NDUFAF2: variants seen among roughly 807,000 people sequenced by gnomAD.
NDUFAF2 encodes the protein NADH:ubiquinone oxidoreductase complex assembly factor 2, also known as NADH dehydrogenase [ubiquinone] 1 alpha subcomplex assembly factor 2.
NDUFAF2 carries 13 observed loss-of-function variants against 22.8 expected under a neutral mutation model. The ratio of observed to expected loss-of-function variants is 0.57; its 90% confidence interval spans 0.37 to 0.91. The LOEUF (loss-of-function observed/expected upper bound fraction) is 0.91, where lower values mean the gene tolerates loss of function less well. NDUFAF2 is among the 40% of genes least tolerant of loss of function. The probability of loss-of-function intolerance (pLI) is 0.01; values close to 1 mark genes in which losing one functional copy is unlikely to be tolerated. For synonymous variants in NDUFAF2, 53 were observed against 64.2 expected (o/e 0.83, Z 0.84); for missense variants, 162 against 195.2 (o/e 0.83, Z 1.01).
intron 1 of NDUFAF2, among the ~76,000 whole-genome samples, chr5:60,986,984 T>C (rs1295612276): frequency 6.8e-6 from 1 of 146,244 alleles, no homozygotes; most frequent in Non-Finnish European, 1.5e-5. Flanking sequence ...CAAGGACCAA[T>C]GAATCCAGGA....
intron 1 of NDUFAF2, among the ~76,000 whole-genome samples, chr5:61,047,934 C>G (rs775801043): frequency 3.9e-5 from 6 of 152,126 alleles, no homozygotes; most frequent in Non-Finnish European, 8.8e-5. Flanking sequence ...ATAGTCCTTA[C>G]TTCATGGCAG....
intron 3 of NDUFAF2, among the ~76,000 whole-genome samples, chr5:61,109,734 A>G (rs1752811526): frequency 6.6e-6 from 1 of 152,240 alleles, no homozygotes; most frequent in East Asian, 1.9e-4. Flanking sequence ...TATAAGTGGT[A>G]ACTTTTCCTG....
intron 1 of NDUFAF2, among the ~76,000 whole-genome samples, chr5:60,985,621 C>T (rs1751063010): frequency 6.6e-6 from 1 of 152,150 alleles, no homozygotes; most frequent in Non-Finnish European, 1.5e-5. Flanking sequence ...TTTGAAAGAA[C>T]ATTTTTATTT....
At chr5:60,964,324 A>G (rs982500483) in intron 1 of NDUFAF2, among the ~76,000 whole-genome samples, 5 of 152,098 alleles carry the variant, frequency 3.3e-5, no homozygotes, top group Non-Finnish European at 5.9e-5. Flanking sequence ...TGTATAGCAT[A>G]ATGTTTTGAT....
chr5:61,059,972 G>C (rs991417465), intron 1 of NDUFAF2, among the ~76,000 whole-genome samples: 1 of 152,074 alleles, frequency 6.6e-6, no homozygotes, highest in Admixed American at 6.6e-5. Flanking sequence ...CTATATGCAA[G>C]CTTTATAAAT....
intron 3 of NDUFAF2, among the ~76,000 whole-genome samples, chr5:61,108,212 A>G (rs1186850245): frequency 1.0e-4 from 15 of 148,794 alleles, no homozygotes; most frequent in African/African-American, 3.6e-4. Context: ...TTGGGTATAT[A>G]CCCAGTAATG....
intron 1 of NDUFAF2, among the ~76,000 whole-genome samples, chr5:60,960,209 GT>G (rs1417993211): frequency 1.3e-5 from 2 of 152,070 alleles, no homozygotes; most frequent in African/African-American, 2.4e-5. Context: ...GTCTCCTTTT[GT>G]TTTGAGGGTT....
intron 1 of NDUFAF2, among the ~76,000 whole-genome samples, chr5:61,023,288 A>G (rs1383516179): frequency 6.6e-6 from 1 of 151,758 alleles, no homozygotes; most frequent in Non-Finnish European, 1.5e-5. Context: ...TTGCATAACC[A>G]GTGTTGTCAT....
chr5:61,128,417 AC>A (rs1336103279), intron 3 of NDUFAF2, among the ~76,000 whole-genome samples: 2 of 152,218 alleles, frequency 1.3e-5, no homozygotes, highest in African/African-American at 4.8e-5. Flanking sequence ...GGCTACAGTA[AC>A]CAAAACAGCA....
At chr5:61,038,239 A>G (rs921320477) in intron 1 of NDUFAF2, among the ~76,000 whole-genome samples, 1 of 152,200 alleles carries the variant, frequency 6.6e-6, no homozygotes, top group Non-Finnish European at 1.5e-5. Flanking sequence ...AAAATACTCT[A>G]AAAGACATTT....
chr5:61,009,088 T>G (rs573758929), intron 1 of NDUFAF2, among the ~76,000 whole-genome samples: 27 of 152,246 alleles, frequency 1.8e-4, no homozygotes, highest in African/African-American at 6.3e-4. Flanking sequence ...TAGTTTACAG[T>G]GATTTCCTAC....
At position 60,957,247 on chromosome 5, in the gene NDUFAF2, T is replaced by C. The variant is rs553301213; in HGVS notation, c.127+11865T>C. Among the ~76,000 whole-genome samples the C allele has an allele frequency of 2.0e-5, 3 of 152,276 alleles. No homozygotes were observed. In the East Asian group the frequency reaches 5.8e-4, roughly 29 times the overall value. On this transcript the variant is annotated intron_variant, in intron 1 of 3. Coordinates refer to ENST00000296597, the MANE Select transcript of NDUFAF2 (RefSeq NM_174889.5). ...TTACAGTTATACTTGTGGTTAAATA[T>C]AATTTTCTTCCTAACCCCCAGTTAT...
intron 3 of NDUFAF2, chr5:61,114,914 C>A (rs969050100): frequency 1.3e-5 from 2 of 152,182 alleles, no homozygotes; most frequent in African/African-American, 4.8e-5. Context: ...CTCCATGTTA[C>A]CACCAGTGAT....
chr5:61,053,620 G>T (rs1752050884), intron 1 of NDUFAF2, among the ~76,000 whole-genome samples: 1 of 152,132 alleles, frequency 6.6e-6, no homozygotes. Context: ...GTGGCTAAAA[G>T]GATAGAATAC....
At chr5:61,053,161 A>C (rs746953150) in intron 1 of NDUFAF2, among the ~76,000 whole-genome samples, 3 of 152,230 alleles carry the variant, frequency 2.0e-5, no homozygotes, top group Admixed American at 6.5e-5. Flanking sequence ...AGTAGCCATC[A>C]GCCTGGATCT....
intron 3 of NDUFAF2, among the ~76,000 whole-genome samples, chr5:61,106,112 T>A (rs1405426956): frequency 6.6e-6 from 1 of 151,464 alleles, no homozygotes; most frequent in African/African-American, 2.4e-5. Flanking sequence ...AGTTGGAAAA[T>A]CACCACTATT....
intron 1 of NDUFAF2, among the ~76,000 whole-genome samples, chr5:60,992,315 T>A (rs1001790401): frequency 2.0e-5 from 3 of 152,218 alleles, no homozygotes; most frequent in Non-Finnish European, 4.4e-5. Context: ...GTGATCCCAT[T>A]TGTCCATTTT....
chr5:61,055,886 A>G (rs557130570), intron 1 of NDUFAF2, among the ~76,000 whole-genome samples: 3 of 152,312 alleles, frequency 2.0e-5, no homozygotes, highest in East Asian at 3.9e-4. Flanking sequence ...AGTTTCCTCA[A>G]TTATAAAAGT....
rs566026058 is a variant in NDUFAF2, at chr5:61,100,367, A to T, written c.258+1335A>T. On this transcript the variant is annotated intron_variant, in intron 3 of 3. Transcript: ENST00000296597. ...CTCAGGCACAACTTCTGTAAATTTT[A>T]GGTAATTTCAGCACCTCAAACAATC... Among the ~76,000 whole-genome samples, 10 of 152,230 alleles carry T rather than the reference A, an allele frequency of 6.6e-5. No homozygotes were observed. In the East Asian group the frequency reaches 1.9e-3, roughly 29 times the overall value.
Sources: gnomAD v4.1 joint callset for allele counts (sites outside exome capture counted in the v4.1 genomes callset) on GRCh38, gnomAD v4.1.1 for gene constraint, MANE v1.5 for transcripts, NCBI Gene and HGNC (gene_info 2026-07-23, HGNC 2026-07-21) for gene names.